NIPA1: variants seen among roughly 807,000 people sequenced by gnomAD.
NIPA1 encodes the protein NIPA magnesium transporter 1.
A neutral mutation model predicts 23.9 loss-of-function variants in NIPA1; 13 were observed. The observed-to-expected ratio is 0.54, with a 90% CI of 0.35 to 0.87. NIPA1 has a LOEUF of 0.87. Among genes scored for constraint, NIPA1 ranks in the 40% least tolerant of loss-of-function variants. NIPA1 has a pLI of 0.01. For missense variants in NIPA1, 362 were observed against 429.7 expected (o/e 0.84, Z 1.39); for synonymous variants, 234 against 202.9 (o/e 1.15, Z -1.30).
In NIPA1 at chr15:22,827,311, A is replaced by G. The variant is rs1288651916; in HGVS notation, c.*3072A>G. The G allele has an allele frequency of 2.0e-5, 3 of 152,184 alleles. No homozygotes were observed. The East Asian group carries it at 5.8e-4, about 29-fold the overall frequency. The allele number at this position is 152,184 out of a possible 1,614,324, so 9.4% of individuals were successfully genotyped here. ...TGCTCATTGATCAAAGGTAGGGCCA[A>G]TTAAGGATTCTAACCCTAACCCAGC... On this transcript the variant is annotated 3_prime_UTR_variant, in exon 5 of 5. Transcript: ENST00000337435.
chr15:22,813,992 G>C (rs1199322779), intron 3 of NIPA1: 1 of 571,746 alleles, frequency 1.7e-6, no homozygotes, highest in Non-Finnish European at 3.0e-6. Context: ...ATACTAAAAT[G>C]TTTTGCTCAG....
chr15:22,814,809 C>T (rs1895385416), intron 3 of NIPA1, among the ~76,000 whole-genome samples: 1 of 152,204 alleles, frequency 6.6e-6, no homozygotes, highest in African/African-American at 2.4e-5. Flanking sequence ...TCTCCCCTTA[C>T]CCAGACACAC....
chr15:22,799,064 A>G (rs10400914), intron 1 of NIPA1, among the ~76,000 whole-genome samples: 111,519 of 151,798 alleles, frequency 0.73, 42,475 homozygotes, highest in African/African-American at 0.93. Context: ...CAACCCAGCA[A>G]TCCCAGTACT....
At chr15:22,787,803 C>T (rs1359932717) in intron 1 of NIPA1, among the ~76,000 whole-genome samples, 1 of 152,156 alleles carries the variant, frequency 6.6e-6, no homozygotes, top group Non-Finnish European at 1.5e-5. Context: ...TCGTAATTTA[C>T]ATGGCGGAAT....
chr15:22,802,207 C>T (rs573089205), intron 1 of NIPA1, among the ~76,000 whole-genome samples: 14 of 152,112 alleles, frequency 9.2e-5, no homozygotes, highest in African/African-American at 3.4e-4. Flanking sequence ...GCCTGACCAA[C>T]ATGGTGAAAC....
In NIPA1 at chr15:22,812,216, C is replaced by T. The variant is rs1895331646; in HGVS notation, c.280C>T (p.Leu94=). ...GGCTTACACGGCGGTCCCCACGGTCCTGGTAACCCCCCTGGGCGCCCTTGG... is the reference window on the plus strand; with the variant it reads ...GGCTTACACGGCGGTCCCCACGGTCTTGGTAACCCCCCTGGGCGCCCTTGG... The part of the protein sequence containing the change: ...FLAYTAVPTV[L]VTPLGALGVP... Residue 94 remains leucine, a synonymous_variant, in exon 3 of 5, where the codon CTG becomes TTG. Coordinates refer to ENST00000337435, the MANE Select transcript of NIPA1 (RefSeq NM_144599.5). 1 of 1,613,920 alleles carries T rather than the reference C, an allele frequency of 6.2e-7. No individual in the cohort carries two copies. The highest frequency in any genetic ancestry group is 2.2e-5 in the East Asian group (1 of 44,880).
intron 3 of NIPA1, among the ~76,000 whole-genome samples, chr15:22,812,867 A>G (rs113484281): frequency 1.8e-4 from 28 of 152,260 alleles, no homozygotes; most frequent in African/African-American, 6.3e-4. Context: ...GTCTTCTGAC[A>G]CCTTGGCAAG....
At chr15:22,794,436 C>T (rs1275334032) in intron 1 of NIPA1, among the ~76,000 whole-genome samples, 1 of 151,848 alleles carries the variant, frequency 6.6e-6, no homozygotes, top group African/African-American at 2.4e-5. Context: ...GTGATGGCTG[C>T]ACAGCAATGT....
chr15:22,794,054 T>C (rs947965087), intron 1 of NIPA1, among the ~76,000 whole-genome samples: 2 of 151,742 alleles, frequency 1.3e-5, no homozygotes, highest in African/African-American at 4.9e-5. Context: ...TTTGGGCTCT[T>C]TTTTGGCTTC....
chr15:22,798,814 C>T (rs182123441), intron 1 of NIPA1, among the ~76,000 whole-genome samples: 8,460 of 112,444 alleles, frequency 0.075, 736 homozygotes, highest in African/African-American at 0.21. Context: ...CCAGCCTGGG[C>T]GACAGAGCGA....
intron 3 of NIPA1, chr15:22,814,298 C>T (rs1895373255): frequency 3.8e-6 from 1 of 264,548 alleles, no homozygotes; most frequent in Non-Finnish European, 7.7e-6. Flanking sequence ...CGCTCTGTCG[C>T]CCAGGCTGGA....
chr15:22,805,119 C>T lies in NIPA1; in HGVS notation c.179-5630C>T, dbSNP rs1300651948. ...CCTCCCAAAGTGCTGGGATTACAGG[C>T]GTGAGCCACCATGCCCAGCCTATGG... On this transcript the variant is annotated intron_variant, in intron 1 of 4. Transcript: ENST00000337435. Among the ~76,000 whole-genome samples, 6 of 152,116 alleles carry T rather than the reference C, an allele frequency of 3.9e-5. No individual in the cohort carries two copies. The South Asian group carries it at 6.2e-4, about 16-fold the overall frequency.
In NIPA1 at chr15:22,828,106, T is replaced by C. The variant is rs540035278; in HGVS notation, c.*3867T>C. On this transcript the variant is annotated 3_prime_UTR_variant, in exon 5 of 5. Coordinates refer to ENST00000337435, the MANE Select transcript of NIPA1 (RefSeq NM_144599.5). The stretch of plus-strand genomic sequence containing the variant: ...AGCTTCCGTGTTCTGAAGTTGTTCT[T>C]TTCATGGTGTCTGACACCGAGGGCG... 6.5e-6 allele frequency: 1 copy of C among 152,714 alleles called. No individual in the cohort carries two copies. Among genetic ancestry groups the C allele is most frequent in the African/African-American group, 2.4e-5 (1 of 41,552 alleles). 9.5% of individuals were successfully genotyped at this position (152,714 alleles called of 1,614,324 possible).
In NIPA1 at chr15:22,828,411, AT is replaced by A. The variant is rs1895692630; in HGVS notation, c.*4176del. ...CACCTCACAATTGTACTGGTGATGA[AT>A]TTTAAGGGTCTGTCCTTTAGCTTAT... On this transcript the variant is annotated 3_prime_UTR_variant, in exon 5 of 5. Coordinates refer to ENST00000337435, the MANE Select transcript of NIPA1 (RefSeq NM_144599.5). 6.6e-6 allele frequency: 1 copy of A among 152,504 alleles called. No individual in the cohort carries two copies. Among genetic ancestry groups the A allele is most frequent in the East Asian group, 1.9e-4 (1 of 5,182 alleles). The allele number at this position is 152,504 out of a possible 1,614,324, so 9.4% of individuals were successfully genotyped here.
chr15:22,801,223 C>G (rs972305972), intron 1 of NIPA1, among the ~76,000 whole-genome samples: 2 of 152,146 alleles, frequency 1.3e-5, no homozygotes, highest in African/African-American at 4.8e-5. Flanking sequence ...TGTTACCGTT[C>G]TACTTTTACA....
rs546839055 is a variant in NIPA1 at position 22,820,673 on chromosome 15, C to T, written c.478+200C>T. Reference sequence around the variant, plus strand: ...GGCTAGCCCTCTGCCCTCACCCTCCCGCCTGATCCTCAGGCCCTGCGGGGA... The same window carrying T: ...GGCTAGCCCTCTGCCCTCACCCTCCTGCCTGATCCTCAGGCCCTGCGGGGA... On this transcript the variant is annotated intron_variant, in intron 4 of 4. Transcript: ENST00000337435. Among the ~76,000 whole-genome samples, 6 of 152,120 alleles carry T rather than the reference C, an allele frequency of 3.9e-5. No homozygotes were observed. In the South Asian group the frequency reaches 1.2e-3, roughly 32 times the overall value.
chr15:22,810,606 C>G, intron 1 of NIPA1, 143 bp from the exon 2 acceptor site: 1 of 662,598 alleles, frequency 1.5e-6, no homozygotes, highest in Non-Finnish European at 2.7e-6. Flanking sequence ...ATGAAAGATT[C>G]TCTTTAGGGT....
intron 1 of NIPA1, among the ~76,000 whole-genome samples, chr15:22,799,322 T>C (rs896231674): frequency 6.6e-6 from 1 of 151,878 alleles, no homozygotes; most frequent in Non-Finnish European, 1.5e-5. Flanking sequence ...TCACAGAAAA[T>C]CAAATACCAC....
intron 1 of NIPA1, among the ~76,000 whole-genome samples, chr15:22,787,800 T>A (rs545834624): frequency 4.5e-4 from 68 of 152,258 alleles, no homozygotes; most frequent in African/African-American, 1.6e-3. Flanking sequence ...AACTCGTAAT[T>A]TACATGGCGG....
Sources: gnomAD v4.1 joint callset for allele counts (sites outside exome capture counted in the v4.1 genomes callset) on GRCh38, gnomAD v4.1.1 for gene constraint, MANE v1.5 for transcripts, NCBI Gene and HGNC (gene_info 2026-07-23, HGNC 2026-07-21) for gene names.